MPPED2: variants seen among roughly 807,000 people sequenced by gnomAD.
MPPED2 encodes metallophosphoesterase MPPED2.
MPPED2 carries 5 observed loss-of-function variants against 33.0 expected under a neutral mutation model. The observed-to-expected ratio is 0.15, with a 90% CI of 0.08 to 0.32. The LOEUF (loss-of-function observed/expected upper bound fraction) is 0.32. Ranked by LOEUF, MPPED2 falls within the 10% of genes least tolerant of loss-of-function variation. The probability of loss-of-function intolerance (pLI) is 1.00; values close to 1 mark genes in which losing one functional copy is unlikely to be tolerated. For synonymous variants in MPPED2, 136 were observed against 141.9 expected (o/e 0.96, Z 0.29); for missense variants, 275 against 372.1 (o/e 0.74, Z 2.15).
intron 4 of MPPED2, among the ~76,000 whole-genome samples, chr11:30,464,441 CAT>C (rs1230546128): frequency 6.6e-6 from 1 of 152,198 alleles, no homozygotes; most frequent in African/African-American, 2.4e-5. Context: ...CCTACTTACA[CAT>C]GTCATCCTTT....
intron 6 of MPPED2, among the ~76,000 whole-genome samples, chr11:30,401,638 T>C (rs1947909596): frequency 6.6e-6 from 1 of 152,170 alleles, no homozygotes; most frequent in Non-Finnish European, 1.5e-5. Context: ...GAAGGTCAAT[T>C]GTAATTTTTC....
exon 7 of MPPED2, chr11:30,388,685 C>A (rs144683160): frequency 4.3e-4 from 221 of 516,342 alleles, no homozygotes; most frequent in African/African-American, 4.1e-3. Flanking sequence ...CCAGCAGAGC[C>A]CTCCTCCGCA....
chr11:30,570,423 C>T (rs1314476506), intron 2 of MPPED2, among the ~76,000 whole-genome samples: 2 of 151,998 alleles, frequency 1.3e-5, no homozygotes, highest in East Asian at 3.9e-4. Context: ...ATAGCACTAT[C>T]CAAGCAGAAC....
intron 4 of MPPED2, among the ~76,000 whole-genome samples, chr11:30,476,457 G>A (rs917233306): frequency 2.0e-5 from 3 of 151,944 alleles, no homozygotes; most frequent in Admixed American, 6.6e-5. Context: ...TAAAGGTCAC[G>A]GTTTTCCATA....
intron 2 of MPPED2, among the ~76,000 whole-genome samples, chr11:30,566,345 T>C (rs960254602): frequency 6.6e-6 from 1 of 152,182 alleles, no homozygotes; most frequent in Non-Finnish European, 1.5e-5. Flanking sequence ...TAGGGTCACA[T>C]TGAAAGTGGA....
At chr11:30,464,001 A>G (rs968236360) in intron 4 of MPPED2, among the ~76,000 whole-genome samples, 13 of 152,164 alleles carry the variant, frequency 8.5e-5, no homozygotes, top group Admixed American at 4.6e-4. Flanking sequence ...TCAAAGAGAC[A>G]TTTAAACTAT....
intron 3 of MPPED2, among the ~76,000 whole-genome samples, chr11:30,530,048 C>T (rs1354240462): frequency 6.6e-6 from 1 of 152,136 alleles, no homozygotes; most frequent in East Asian, 1.9e-4. Context: ...GAATTTTTGA[C>T]TGACTGGATT....
At chr11:30,410,147 G>A (rs1399514028), downstream of MPPED2, 1 of 985,164 alleles carries the variant, frequency 1.0e-6, no homozygotes. Flanking sequence ...CATTACTGAT[G>A]TTGCATATGA....
intron 4 of MPPED2, among the ~76,000 whole-genome samples, chr11:30,427,195 T>C (rs1948877956): frequency 6.6e-6 from 1 of 152,212 alleles, no homozygotes; most frequent in East Asian, 1.9e-4. Context: ...CGGGAGTAGC[T>C]GGATTTTGTC....
At chr11:30,463,704 T>C (rs934362164) in intron 4 of MPPED2, among the ~76,000 whole-genome samples, 12 of 152,212 alleles carry the variant, frequency 7.9e-5, no homozygotes, top group African/African-American at 2.9e-4. Context: ...TCAAAATCTC[T>C]AAAGCCATAT....
At chr11:30,432,011 C>T (rs1353894908) in intron 4 of MPPED2, among the ~76,000 whole-genome samples, 2 of 152,022 alleles carry the variant, frequency 1.3e-5, no homozygotes, top group Non-Finnish European at 2.9e-5. Flanking sequence ...CCCATTTCTA[C>T]TAAAAATACA....
At chr11:30,495,584 G>A (rs897861852) in intron 3 of MPPED2, 63 bp from the exon 4 acceptor site, 28 of 1,219,976 alleles carry the variant, frequency 2.3e-5, no homozygotes, top group Admixed American at 3.6e-5. Context: ...TACAACAGCC[G>A]AGACTGTGTG....
Position 30,410,568 on chromosome 11 carries a change from C to G in MPPED2, c.*900G>C, listed in dbSNP as rs1050435969. 10 of 985,630 alleles carry G rather than the reference C, an allele frequency of 1.0e-5. No individual in the cohort carries two copies. The highest frequency in any genetic ancestry group is 1.1e-5 in the Non-Finnish European group (9 of 829,936). 61.1% of individuals were successfully genotyped at this position (985,630 alleles called of 1,614,324 possible). On this transcript the variant is annotated 3_prime_UTR_variant, in exon 7 of 7. Coordinates refer to ENST00000358117, the MANE Select transcript of MPPED2 (RefSeq NM_001584.3). ...CCTGTAACTGTACCTAGATTTAACT[C>G]AAGCTCTTTAAGACCTTGAGCTCTG...
chr11:30,499,854 G>GT (rs1565129167), intron 3 of MPPED2, among the ~76,000 whole-genome samples: 1 of 151,962 alleles, frequency 6.6e-6, no homozygotes, highest in South Asian at 2.1e-4. Context: ...TTGTTTGTTT[G>GT]TTTTTTGTTT....
chr11:30,452,434 G>A (rs1052711652), intron 4 of MPPED2, among the ~76,000 whole-genome samples: 2 of 152,188 alleles, frequency 1.3e-5, no homozygotes, highest in South Asian at 2.1e-4. Context: ...TCCTTCAGGC[G>A]GTTCCTGCAG....
intron 4 of MPPED2, among the ~76,000 whole-genome samples, chr11:30,477,958 T>C (rs1214340720): frequency 6.6e-6 from 1 of 152,060 alleles, no homozygotes; most frequent in Non-Finnish European, 1.5e-5. Context: ...TCCCCTAGGA[T>C]TCCCCCTCAC....
intron 3 of MPPED2, among the ~76,000 whole-genome samples, chr11:30,499,000 A>C (rs938521616): frequency 3.3e-5 from 5 of 152,190 alleles, no homozygotes; most frequent in Admixed American, 3.3e-4. Flanking sequence ...TCACATAAGT[A>C]GATACTCATG....
In MPPED2 at chr11:30,417,577, T is replaced by A. The variant is rs1438966161; in HGVS notation, c.593A>T (p.Asp198Val). 6.2e-7 allele frequency: 1 copy of A among 1,613,496 alleles called. No homozygotes were observed. The highest frequency in any genetic ancestry group is 8.5e-7 in the Non-Finnish European group (1 of 1,179,616). Residue 198 changes from aspartate to valine, a missense_variant, in exon 5 of 7, where the codon GAC becomes GTC. Coordinates refer to ENST00000358117, the MANE Select transcript of MPPED2 (RefSeq NM_001584.3). ...FNLPRGQSLL[D>V]KWNLIPEGID... is the part of the protein sequence containing the mutation. ...GCCCTCAGGGATGAGGTTCCACTTG[T>A]CCAGCAGAGACTGACCTCTGGGTAG... is the stretch of plus-strand genomic sequence containing the variant.
chr11:30,430,147 T>A (rs758519207), intron 4 of MPPED2, among the ~76,000 whole-genome samples: 10 of 151,668 alleles, frequency 6.6e-5, no homozygotes, highest in Non-Finnish European at 1.3e-4. Flanking sequence ...CTGGAGGAGG[T>A]TAGGAAAGGG....
Sources: gnomAD v4.1 joint callset for allele counts (sites outside exome capture counted in the v4.1 genomes callset) on GRCh38, gnomAD v4.1.1 for gene constraint, MANE v1.5 for transcripts, NCBI Gene and HGNC (gene_info 2026-07-23, HGNC 2026-07-21) for gene names.